The following CTNND1 variants were observed in gnomAD, a reference collection of about 807,000 sequenced individuals.
CTNND1 encodes the protein catenin delta-1.
A neutral mutation model predicts 112.1 loss-of-function variants in CTNND1; 16 were observed. The observed-to-expected ratio is 0.14, with a 90% CI of 0.10 to 0.22. The LOEUF (loss-of-function observed/expected upper bound fraction) is 0.22, where lower values mean the gene tolerates loss of function less well. Among genes scored for constraint, CTNND1 ranks in the 10% least tolerant of loss-of-function variants. The probability of loss-of-function intolerance (pLI) is 1.00; values close to 1 mark genes in which losing one functional copy is unlikely to be tolerated. For missense variants in CTNND1, 1,008 were observed against 1,257.0 expected, an observed-to-expected ratio of 0.80 and a Z score of 3.00; for synonymous variants, 420 against 446.5, an observed-to-expected ratio of 0.94 and a Z score of 0.75.
At chr11:57,783,203 T>G (rs1308589336) in intron 1 of CTNND1, among the ~76,000 whole-genome samples, 1 of 151,808 alleles carries the variant, frequency 6.6e-6, no homozygotes, top group East Asian at 1.9e-4. Flanking sequence ...GGAGAATTGC[T>G]TGAACCTGGG....
chr11:57,809,840 G>A (rs892051074), intron 15 of CTNND1, among the ~76,000 whole-genome samples: 1 of 152,128 alleles, frequency 6.6e-6, no homozygotes, highest in African/African-American at 2.4e-5. Context: ...CTCCTGAGTA[G>A]CTGGGACTAC....
chr11:57,814,040 T>C, intron 17 of CTNND1: 1 of 342,136 alleles, frequency 2.9e-6, no homozygotes, highest in Non-Finnish European at 5.4e-6. Context: ...AGGGGCCAGG[T>C]GTGATGGCTC....
chr11:57,796,213 CG>C (rs1245800254), intron 5 of CTNND1, among the ~76,000 whole-genome samples: 2 of 151,744 alleles, frequency 1.3e-5, no homozygotes, highest in African/African-American at 2.4e-5. Flanking sequence ...AGTGAAACCC[CG>C]TCTCTACTAA....
At chr11:57,814,266 T>C (rs1198359333) in intron 17 of CTNND1, 45 bp from the exon 18 acceptor site, 4 of 1,449,592 alleles carry the variant, frequency 2.8e-6, no homozygotes, top group Non-Finnish European at 3.8e-6. Context: ...TGTACAGATT[T>C]TGAAGAATTG....
intron 1 of CTNND1, among the ~76,000 whole-genome samples, chr11:57,780,055 A>ATTTTT: frequency 2.8e-5 from 1 of 35,462 alleles, no homozygotes. Flanking sequence ...AACTAGAATG[A>ATTTTT]CTTTTTTTTT....
Position 57,816,552 on chromosome 11 carries a change from A to G in CTNND1, c.*244A>G, listed in dbSNP as rs892200743. ...TTTTTCTCCCAAGAAACCTGACTCAATTATTTGCATATTTTGAGAAACTGC... is the reference window on the plus strand; with the variant it reads ...TTTTTCTCCCAAGAAACCTGACTCAGTTATTTGCATATTTTGAGAAACTGC... On this transcript the variant is annotated 3_prime_UTR_variant, in exon 21 of 21. Coordinates refer to ENST00000399050, the MANE Select transcript of CTNND1 (RefSeq NM_001085458.2). 3.2e-5 allele frequency: 18 copies of G among 562,928 alleles called. No individual in the cohort carries two copies. Among genetic ancestry groups the G allele is most frequent in the Admixed American group, 6.2e-5 (2 of 32,044 alleles). The allele number at this position is 562,928 out of a possible 1,614,324, so 34.9% of individuals were successfully genotyped here. A position where few individuals can be genotyped will look rare whatever the true frequency, so the allele number is the denominator to read the frequency against.
chr11:57,791,633 A>T lies in CTNND1; in HGVS notation c.155A>T (p.Asn52Ile). Residue 52 changes from asparagine to isoleucine, a missense_variant, in exon 3 of 21, where the codon AAC becomes ATC. Asn to Ile is a moderately radical substitution (Grantham distance 149). Around this residue, in one of 5 missense-constraint regions of CTNND1, gnomAD observed 404 missense variants for 457.9 expected, o/e 0.88. Transcript: ENST00000399050. ...GTCCGGGTCTCACCACAAGATGCCAACCCACTCATGGCCAACGGCACACTC... is the reference window on the plus strand; with the variant it reads ...GTCCGGGTCTCACCACAAGATGCCATCCCACTCATGGCCAACGGCACACTC... ...ERVRVSPQDA[N>I]PLMANGTLTR... 6.3e-7 allele frequency: 1 copy of T among 1,597,568 alleles called. No individual in the cohort carries two copies. Among genetic ancestry groups the T allele is most frequent in the Non-Finnish European group, 8.5e-7 (1 of 1,170,392 alleles).
At chr11:57,810,391 C>G (rs185988592) in intron 16 of CTNND1, among the ~76,000 whole-genome samples, 168 bp downstream of exon 16, 4 of 151,872 alleles carry the variant, frequency 2.6e-5, no homozygotes, top group Admixed American at 2.6e-4. Flanking sequence ...TGAAGTGGCG[C>G]AATCTCGGCT....
chr11:57,768,764 C>G (rs1458033415), intron 1 of CTNND1, among the ~76,000 whole-genome samples: 2 of 152,040 alleles, frequency 1.3e-5, no homozygotes, highest in Non-Finnish European at 2.9e-5. Context: ...TGAATGCTTC[C>G]TGTGAGAAGT....
At chr11:57,812,281 A>G (rs2063451586) in intron 17 of CTNND1, among the ~76,000 whole-genome samples, 1 of 152,178 alleles carries the variant, frequency 6.6e-6, no homozygotes, top group Non-Finnish European at 1.5e-5. Context: ...GCACTTTGGG[A>G]GGCTGAGGCG....
chr11:57,811,540 G>A lies in CTNND1; in HGVS notation c.2638+54G>A, dbSNP rs1565378230. The A allele has an allele frequency of 3.2e-6, 4 of 1,232,490 alleles. No individual in the cohort carries two copies. In the South Asian group the frequency reaches 3.8e-5, roughly 12 times the overall value. The allele number at this position is 1,232,490 out of a possible 1,614,324, so 76.3% of individuals were successfully genotyped here. On this transcript the variant is annotated intron_variant, in intron 17 of 20. Coordinates refer to ENST00000399050, the MANE Select transcript of CTNND1 (RefSeq NM_001085458.2). The stretch of plus-strand genomic sequence containing the variant: ...CTTTTAGCCACTCTTGCTGTTCTAG[G>A]TGGCTTACTAAGAAATAGGATATAT...
chr11:57,810,351 CAG>C, intron 16 of CTNND1, 128 bp downstream of exon 16: 2 of 583,768 alleles, frequency 3.4e-6, no homozygotes, highest in African/African-American at 2.0e-5. Context: ...TTTTCGGAGA[CAG>C]AGTCTCACTC....
intron 1 of CTNND1, among the ~76,000 whole-genome samples, chr11:57,784,164 T>G (rs2059898992): frequency 6.6e-6 from 1 of 151,704 alleles, no homozygotes; most frequent in Admixed American, 6.6e-5. Context: ...TCAAGTGATC[T>G]GCCCACCTTG....
Position 57,780,353 on chromosome 11 carries a change from C to T in CTNND1, c.-213-8684C>T, listed in dbSNP as rs181476510. Among the ~76,000 whole-genome samples the T allele has an allele frequency of 2.0e-4, 31 of 152,254 alleles. No homozygotes were observed. In the East Asian group the frequency reaches 2.9e-3, roughly 14 times the overall value. ...TACAGGCTTGAACCACCTCTCCTGGCCCGAAGAATGACTTTTAACCCCAGG... is the reference window on the plus strand; with the variant it reads ...TACAGGCTTGAACCACCTCTCCTGGTCCGAAGAATGACTTTTAACCCCAGG... On this transcript the variant is annotated intron_variant, in intron 1 of 20. Coordinates refer to ENST00000399050, the MANE Select transcript of CTNND1 (RefSeq NM_001085458.2).
chr11:57,773,608 C>T (rs566730147), intron 1 of CTNND1, among the ~76,000 whole-genome samples: 9 of 151,208 alleles, frequency 6.0e-5, no homozygotes, highest in East Asian at 3.9e-4. Context: ...CATGCCACCA[C>T]GCCTGGCTAT....
chr11:57,801,752 G>T lies in CTNND1; in HGVS notation c.976G>T (p.Gly326Cys). 1 of 1,612,900 alleles carries T rather than the reference G, an allele frequency of 6.2e-7. No individual in the cohort carries two copies. The highest frequency in any genetic ancestry group is 1.1e-5 in the South Asian group (1 of 91,042). The change falls in exon 7 of 21, where the codon GGT becomes TGT. Residue 326 changes from glycine to cysteine, a missense_variant. By Grantham distance (159) the Gly-to-Cys change is radical. Transcript: ENST00000399050. ...RRLRSYEDMI[G>C]EEVPSDQYYW... ...TCTCAGGAGCTATGAAGACATGATT[G>T]GTGAGGAGGTGCCATCGGATCAATA...
At chr11:57,808,757 A>G (rs2062998245) in intron 14 of CTNND1, among the ~76,000 whole-genome samples, 1 of 152,202 alleles carries the variant, frequency 6.6e-6, no homozygotes. Flanking sequence ...AATAATTGCT[A>G]TTATTTATTG....
intron 4 of CTNND1, among the ~76,000 whole-genome samples, chr11:57,794,951 C>T (rs2061203875): frequency 6.6e-6 from 1 of 151,180 alleles, no homozygotes; most frequent in African/African-American, 2.4e-5. Context: ...GTAATTCCAG[C>T]ACTTTGGGAG....
At chr11:57,798,272 G>A (rs1177949639) in intron 6 of CTNND1, among the ~76,000 whole-genome samples, 9 of 150,536 alleles carry the variant, frequency 6.0e-5, no homozygotes, top group African/African-American at 2.2e-4. Context: ...ACTTGAACCC[G>A]GGTGGCAGAG....
Sources: allele counts gnomAD v4.1 joint callset (sites outside exome capture counted in the v4.1 genomes callset), GRCh38; gene constraint gnomAD v4.1.1; regional missense constraint gnomAD v4.1.1; transcripts MANE v1.5; gene names NCBI Gene and HGNC (gene_info 2026-07-23, HGNC 2026-07-21).